The following SLC2A9 variants were observed in gnomAD, a reference collection of about 807,000 sequenced individuals.
SLC2A9 encodes the protein solute carrier family 2 member 9.
In SLC2A9, 39 loss-of-function variants were observed where a neutral mutation model predicts 50.6. The ratio of observed to expected loss-of-function variants is 0.77; its 90% CI spans 0.60 to 1.01. The LOEUF (loss-of-function observed/expected upper bound fraction) is 1.01, where lower values mean the gene tolerates loss of function less well. Ranked by LOEUF, SLC2A9 falls within the 50% of genes least tolerant of loss-of-function variation. The pLI is 0.00. For synonymous variants in SLC2A9, 324 were observed against 276.9 expected (o/e 1.17, Z -1.69); for missense variants, 686 against 677.6 (o/e 1.01, Z -0.14).
At chr4:9,845,318 T>C (rs1228203295) in intron 10 of SLC2A9, among the ~76,000 whole-genome samples, 1 of 151,530 alleles carries the variant, frequency 6.6e-6, no homozygotes, top group Non-Finnish European at 1.5e-5. Flanking sequence ...CAGCCAAAAG[T>C]TCAATTTTAA....
chr4:9,870,333 T>G (rs1733205851), intron 10 of SLC2A9, among the ~76,000 whole-genome samples: 1 of 152,216 alleles, frequency 6.6e-6, no homozygotes, highest in Non-Finnish European at 1.5e-5. Context: ...TCAGCTGGAT[T>G]CCCAGGGATT....
intron 3 of SLC2A9, among the ~76,000 whole-genome samples, chr4:9,793,270 A>C (rs1720188745): frequency 6.6e-6 from 1 of 152,232 alleles, no homozygotes; most frequent in South Asian, 2.1e-4. Context: ...CATATTGTGC[A>C]GATGCGGAAA....
At chr4:9,828,949 T>C (rs979529239) in intron 11 of SLC2A9, among the ~76,000 whole-genome samples, 1 of 152,182 alleles carries the variant, frequency 6.6e-6, no homozygotes, top group African/African-American at 2.4e-5. Flanking sequence ...ATGGATGGAC[T>C]GAGGCTCAGA....
chr4:9,948,282 G>T (rs1160426124), intron 5 of SLC2A9, among the ~76,000 whole-genome samples: 4 of 152,184 alleles, frequency 2.6e-5, no homozygotes, highest in Non-Finnish European at 4.4e-5. Flanking sequence ...ATCACTTGGA[G>T]AGTTTTTACA....
At chr4:9,930,693 G>C (rs2110163082) in intron 6 of SLC2A9, among the ~76,000 whole-genome samples, 1 of 152,334 alleles carries the variant, frequency 6.6e-6, no homozygotes, top group South Asian at 2.1e-4. Flanking sequence ...GAGATGCCTG[G>C]ATTGGATTTG....
chr4:9,778,993 C>A (rs1717947116), downstream of SLC2A9, among the ~76,000 whole-genome samples: 1 of 152,142 alleles, frequency 6.6e-6, no homozygotes, highest in Middle Eastern at 3.4e-3. Context: ...GTCTCGATCT[C>A]CTGACTTCAT....
intron 1 of SLC2A9, among the ~76,000 whole-genome samples, chr4:10,030,851 G>A (rs532439807): frequency 2.0e-4 from 30 of 152,234 alleles, no homozygotes; most frequent in African/African-American, 6.5e-4. Context: ...ATGGCATGGC[G>A]CATAGCAGCA....
chr4:10,000,602 C>T (rs79107516), intron 2 of SLC2A9, among the ~76,000 whole-genome samples: 5,373 of 152,260 alleles, frequency 0.035, 272 homozygotes, highest in African/African-American at 0.11. Context: ...CTCCTAGTAG[C>T]AGTTTTGGCT....
chr4:9,816,822 A>T (rs1723657171), intron 3 of SLC2A9, among the ~76,000 whole-genome samples: 1 of 139,052 alleles, frequency 7.2e-6, no homozygotes, highest in Non-Finnish European at 1.6e-5. Context: ...GTTAAAAATT[A>T]AAAAAAAAAC....
At chr4:10,024,090 C>G (rs1030437355), upstream of SLC2A9, among the ~76,000 whole-genome samples, 2 of 152,212 alleles carry the variant, frequency 1.3e-5, no homozygotes, top group Non-Finnish European at 2.9e-5. Context: ...TTCTGACTGC[C>G]CTGAACTGTG....
intron 7 of SLC2A9, among the ~76,000 whole-genome samples, chr4:9,916,706 C>T (rs1237676340): frequency 6.6e-6 from 1 of 152,100 alleles, no homozygotes; most frequent in African/African-American, 2.4e-5. Flanking sequence ...GAAGGAATCC[C>T]AAGGAAGGAA....
At chr4:9,823,650 C>G (rs918011301), downstream of SLC2A9, among the ~76,000 whole-genome samples, 2 of 152,062 alleles carry the variant, frequency 1.3e-5, no homozygotes, top group African/African-American at 4.8e-5. Flanking sequence ...ATTAAGGACA[C>G]TAAAAGAAAG....
At chr4:9,919,429 T>G (rs1743496696) in intron 7 of SLC2A9, among the ~76,000 whole-genome samples, 1 of 152,230 alleles carries the variant, frequency 6.6e-6, no homozygotes, top group African/African-American at 2.4e-5. Context: ...TCTATGCTGC[T>G]GTTTTTCCTT....
chr4:9,927,296 C>T (rs1358146578), intron 6 of SLC2A9, among the ~76,000 whole-genome samples: 2 of 152,248 alleles, frequency 1.3e-5, no homozygotes, highest in African/African-American at 4.8e-5. Context: ...GGATTACAGG[C>T]GTGAGCCACC....
chr4:9,952,952 C>G lies in SLC2A9; in HGVS notation c.682-10907G>C, dbSNP rs569963202. Among the ~76,000 whole-genome samples the G allele has an allele frequency of 3.4e-4, 51 of 152,218 alleles. 1 individual carries two copies. The highest frequency in any genetic ancestry group is 2.9e-5 in the Non-Finnish European group (2 of 68,036). On this transcript the variant is annotated intron_variant, in intron 5 of 11. Coordinates refer to ENST00000264784, the MANE Select transcript of SLC2A9 (RefSeq NM_020041.3). ...TTCTGCTATGGTCAATTTCTATTCA[C>G]AGATTCTGTGATCTGAATGTCCTAT...
intron 10 of SLC2A9, among the ~76,000 whole-genome samples, chr4:9,844,378 T>G (rs1430587337): frequency 2.0e-5 from 3 of 152,176 alleles, no homozygotes; most frequent in African/African-American, 7.2e-5. Flanking sequence ...AATTGCCAAG[T>G]AATTTAAAAA....
At chr4:9,966,410 C>T (rs1339947927) in intron 5 of SLC2A9, among the ~76,000 whole-genome samples, 3 of 152,162 alleles carry the variant, frequency 2.0e-5, no homozygotes, top group Non-Finnish European at 4.4e-5. Flanking sequence ...AATCCCAGCA[C>T]TCTGATGGGC....
chr4:9,845,581 T>C (rs1429065698), intron 10 of SLC2A9, among the ~76,000 whole-genome samples: 2 of 150,276 alleles, frequency 1.3e-5, no homozygotes, highest in Admixed American at 6.6e-5. Flanking sequence ...AGGCGCCCGC[T>C]ACCACGACCG....
upstream of SLC2A9, chr4:10,026,041 G>T: frequency 1.3e-6 from 2 of 1,506,110 alleles, no homozygotes; most frequent in Non-Finnish European, 9.2e-7. Context: ...CCATTAGACA[G>T]CTGCTTTCTC....
Sources: gnomAD v4.1 joint callset for allele counts (sites outside exome capture counted in the v4.1 genomes callset) on GRCh38, gnomAD v4.1.1 for gene constraint, MANE v1.5 for transcripts, NCBI Gene and HGNC (gene_info 2026-07-23, HGNC 2026-07-21) for gene names.